ANXA4: variants seen among roughly 807,000 people sequenced by gnomAD.
ANXA4 encodes 35-beta calcimedin.
In ANXA4, 39 loss-of-function variants were observed where a neutral mutation model predicts 49.8. That is an observed-to-expected ratio of 0.78 (90% CI 0.61 to 1.02). ANXA4 has a LOEUF of 1.02. Ranked by LOEUF, ANXA4 falls within the 50% of genes least tolerant of loss-of-function variation. The pLI, the probability that ANXA4 is intolerant of heterozygous loss-of-function variation, is 0.00. For missense variants in ANXA4, 360 were observed against 410.1 expected, an observed-to-expected ratio of 0.88 and a Z score of 1.05; for synonymous variants, 134 against 152.5, an observed-to-expected ratio of 0.88 and a Z score of 0.89.
At chr2:69,816,035 A>G in intron 8 of ANXA4, 66 bp from the exon 9 acceptor site, 1 of 1,297,576 alleles carries the variant, frequency 7.7e-7, no homozygotes, top group Non-Finnish European at 1.1e-6. Flanking sequence ...GAGCTTCTGG[A>G]AATATTTGCC....
At chr2:69,741,080 A>G (rs1363667869), upstream of ANXA4, among the ~76,000 whole-genome samples, 2 of 152,096 alleles carry the variant, frequency 1.3e-5, no homozygotes, top group African/African-American at 4.8e-5. Flanking sequence ...CGTGCTCTAA[A>G]CCATATTAAA....
Position 69,687,721 on chromosome 2 carries a change from A to G in ANXA4, n.767-33053A>G, listed in dbSNP as rs1203667896. ...CAAGTCTCTGACTACCTGATTTTTG[A>G]TCCATTGTGCTTTCTAGTTGCCTCA... On this transcript the variant is annotated intron_variant and non_coding_transcript_variant, in intron 2 of 3. Transcript: ENST00000418066. 3.9e-5 allele frequency among the ~76,000 whole-genome samples: 6 copies of G among 151,962 alleles called. No individual in the cohort carries two copies. In the East Asian group the frequency reaches 1.2e-3, roughly 29 times the overall value.
chr2:69,816,705 G>A (rs140860836), intron 9 of ANXA4: 42 of 152,448 alleles, frequency 2.8e-4, no homozygotes, highest in African/African-American at 9.9e-4. Context: ...ACTTTGTAAT[G>A]TGATTTTAAC....
chr2:69,675,796 G>A (rs1677387286), intron 2 of ANXA4, among the ~76,000 whole-genome samples: 1 of 151,970 alleles, frequency 6.6e-6, no homozygotes. Context: ...GGCCAAGGCG[G>A]GCAGATCACG....
intron 2 of ANXA4, among the ~76,000 whole-genome samples, chr2:69,657,617 T>G (rs1051535685): frequency 6.6e-6 from 1 of 152,178 alleles, no homozygotes; most frequent in Non-Finnish European, 1.5e-5. Context: ...GGGAATTCAT[T>G]TATTGATTTT....
At chr2:69,783,134 A>G (rs1672269611) in intron 2 of ANXA4, among the ~76,000 whole-genome samples, 1 of 152,218 alleles carries the variant, frequency 6.6e-6, no homozygotes, top group Admixed American at 6.5e-5. Context: ...TAATGAGATA[A>G]TGTAATGTTT....
chr2:69,769,655 A>T (rs971714892), intron 1 of ANXA4, among the ~76,000 whole-genome samples: 5 of 152,160 alleles, frequency 3.3e-5, no homozygotes, highest in Non-Finnish European at 7.4e-5. Flanking sequence ...TTTAAATTAT[A>T]TGTAAAATAC....
intron 8 of ANXA4, chr2:69,815,564 G>T (rs1334478648): frequency 1.3e-5 from 2 of 152,258 alleles, no homozygotes; most frequent in African/African-American, 4.8e-5. Context: ...ATGGGTCCCT[G>T]GTTCTACTGT....
intron 2 of ANXA4, among the ~76,000 whole-genome samples, chr2:69,667,881 G>A (rs1676998445): frequency 6.6e-6 from 1 of 152,198 alleles, no homozygotes; most frequent in African/African-American, 2.4e-5. Flanking sequence ...GTGGGACTAG[G>A]ATGGTCTCTG....
intron 7 of ANXA4, among the ~76,000 whole-genome samples, chr2:69,812,221 A>G (rs553054392): frequency 5.9e-5 from 9 of 151,608 alleles, no homozygotes; most frequent in African/African-American, 2.2e-4. Context: ...TCCTGGCCTC[A>G]AGACATCCTC....
chr2:69,774,331 C>A (rs941800203), intron 1 of ANXA4, among the ~76,000 whole-genome samples: 1 of 68,540 alleles, frequency 1.5e-5, no homozygotes, highest in Non-Finnish European at 2.6e-5. Context: ...AAAGGAGCCC[C>A]CCCCCCCCCT....
At chr2:69,678,883 A>G (rs1178109035) in intron 2 of ANXA4, among the ~76,000 whole-genome samples, 1 of 152,150 alleles carries the variant, frequency 6.6e-6, no homozygotes, top group Non-Finnish European at 1.5e-5. Context: ...TTATTTATTG[A>G]TTAATAGTGA....
intron 8 of ANXA4, among the ~76,000 whole-genome samples, chr2:69,812,913 G>A (rs1673773493): frequency 6.6e-6 from 1 of 152,146 alleles, no homozygotes; most frequent in Non-Finnish European, 1.5e-5. Context: ...AAGCACTCCT[G>A]GGTTCCAAGT....
chr2:69,729,146 T>C (rs557879192), intron 3 of ANXA4, among the ~76,000 whole-genome samples: 1 of 152,326 alleles, frequency 6.6e-6, no homozygotes, highest in South Asian at 2.1e-4. Flanking sequence ...CCCAAGTAGC[T>C]GGGACTACAG....
At chr2:69,820,860 G>A in intron 12 of ANXA4, 39 bp downstream of exon 12, 1 of 1,605,886 alleles carries the variant, frequency 6.2e-7, no homozygotes, top group East Asian at 2.2e-5. Context: ...AAAGGATCCA[G>A]AAAAGGACCC....
At chr2:69,708,641 C>T (rs896375356) in intron 2 of ANXA4, among the ~76,000 whole-genome samples, 18 of 152,140 alleles carry the variant, frequency 1.2e-4, no homozygotes, top group Non-Finnish European at 2.1e-4. Flanking sequence ...GCAGGACCAG[C>T]AGGTCCCTGT....
chr2:69,700,705 A>G (rs943689321), intron 2 of ANXA4, among the ~76,000 whole-genome samples: 2 of 152,200 alleles, frequency 1.3e-5, no homozygotes, highest in Non-Finnish European at 2.9e-5. Flanking sequence ...GCTATATGGT[A>G]TTACATAATT....
At chr2:69,737,367 A>G (rs1670271804), upstream of ANXA4, among the ~76,000 whole-genome samples, 1 of 152,136 alleles carries the variant, frequency 6.6e-6, no homozygotes, top group Non-Finnish European at 1.5e-5. Flanking sequence ...AAAATATATA[A>G]TTGAATTATT....
At chr2:69,681,404 G>A (rs1677595033) in intron 2 of ANXA4, among the ~76,000 whole-genome samples, 1 of 137,130 alleles carries the variant, frequency 7.3e-6, no homozygotes, top group African/African-American at 2.8e-5. Context: ...TCACTCTGTT[G>A]CCCAGGCTGG....
Sources: allele counts gnomAD v4.1 joint callset (sites outside exome capture counted in the v4.1 genomes callset), GRCh38; gene constraint gnomAD v4.1.1; transcripts MANE v1.5; gene names NCBI Gene and HGNC (gene_info 2026-07-23, HGNC 2026-07-21).